GRIK4: variants seen among roughly 807,000 people sequenced by gnomAD.
GRIK4 encodes the protein glutamate receptor ionotropic, kainate 4.
In GRIK4, 40 loss-of-function variants were observed where a neutral mutation model predicts 104.9. The observed-to-expected ratio is 0.38, with a 90% CI of 0.30 to 0.50. The LOEUF (loss-of-function observed/expected upper bound fraction) is 0.50. Among genes scored for constraint, GRIK4 ranks in the 20% least tolerant of loss-of-function variants. GRIK4 has a pLI of 0.93. For missense variants in GRIK4, 1,047 were observed against 1,308.1 expected, an observed-to-expected ratio of 0.80 and a Z score of 3.08; for synonymous variants, 485 against 524.9, an observed-to-expected ratio of 0.92 and a Z score of 1.04.
intron 20 of GRIK4, among the ~76,000 whole-genome samples, chr11:120,984,020 T>C (rs1944696103): frequency 1.3e-5 from 2 of 152,194 alleles, no homozygotes; most frequent in Non-Finnish European, 2.9e-5. Context: ...GATGGGGGCC[T>C]ATAATCCAAG....
intron 1 of GRIK4, among the ~76,000 whole-genome samples, chr11:120,567,430 A>T (rs1347143954): frequency 6.6e-6 from 1 of 152,140 alleles, no homozygotes; most frequent in Non-Finnish European, 1.5e-5. Flanking sequence ...AAGTGCTGGG[A>T]TTACAGGTGT....
intron 1 of GRIK4, among the ~76,000 whole-genome samples, chr11:120,625,366 G>A (rs762882536): frequency 6.6e-5 from 10 of 152,128 alleles, no homozygotes; most frequent in South Asian, 2.1e-4. Context: ...ATGAGCACCC[G>A]GCCGGAAAGG....
intron 3 of GRIK4, among the ~76,000 whole-genome samples, chr11:120,800,872 T>G (rs1158356347): frequency 6.6e-6 from 1 of 152,232 alleles, no homozygotes; most frequent in African/African-American, 2.4e-5. Flanking sequence ...TCGGCTTGAT[T>G]CCCTGTGTTG....
At chr11:120,947,864 C>G (rs1943900325) in intron 14 of GRIK4, among the ~76,000 whole-genome samples, 1 of 152,132 alleles carries the variant, frequency 6.6e-6, no homozygotes, top group Non-Finnish European at 1.5e-5. Context: ...TCAGCAAGTC[C>G]AGGTCAATGC....
chr11:120,882,236 G>A lies in GRIK4; in HGVS notation c.1164+6993G>A, dbSNP rs944528014. Among the ~76,000 whole-genome samples, 3 of 152,216 alleles carry A rather than the reference G, an allele frequency of 2.0e-5. No homozygotes were observed. The South Asian group carries it at 6.2e-4, about 32-fold the overall frequency. ...GGCTATTAAGGCTCAGACAGGTTGA[G>A]GGGGGTGGGAGGGGGAAGGCAGCTC... On this transcript the variant is annotated intron_variant, in intron 11 of 20. Coordinates refer to ENST00000527524, the MANE Select transcript of GRIK4 (RefSeq NM_014619.5).
At chr11:120,834,305 T>C (rs895232522) in intron 7 of GRIK4, among the ~76,000 whole-genome samples, 15 of 149,374 alleles carry the variant, frequency 1.0e-4, no homozygotes, top group Non-Finnish European at 1.6e-4. Context: ...TGTGTGGCCA[T>C]GCTTTTGAAG....
chr11:120,699,898 A>G (rs1361508027), intron 3 of GRIK4, among the ~76,000 whole-genome samples: 3 of 152,184 alleles, frequency 2.0e-5, no homozygotes, highest in Non-Finnish European at 4.4e-5. Context: ...GCAGCAGGAG[A>G]TAGTCAGAGA....
At chr11:120,854,935 A>G (rs1383522563) in intron 8 of GRIK4, among the ~76,000 whole-genome samples, 1 of 152,204 alleles carries the variant, frequency 6.6e-6, no homozygotes, top group Non-Finnish European at 1.5e-5. Context: ...ACAGTGTATG[A>G]TTTAAAATGC....
chr11:120,705,099 G>T (rs547500289), intron 3 of GRIK4, among the ~76,000 whole-genome samples: 4 of 152,118 alleles, frequency 2.6e-5, no homozygotes, highest in Non-Finnish European at 5.9e-5. Flanking sequence ...CTGTAGCTTT[G>T]TAGTTAGTTT....
At chr11:120,811,803 A>C (rs1426339485) in intron 4 of GRIK4, among the ~76,000 whole-genome samples, 1 of 152,238 alleles carries the variant, frequency 6.6e-6, no homozygotes, top group Non-Finnish European at 1.5e-5. Context: ...CATACAGCCC[A>C]CATTTTATAT....
intron 1 of GRIK4, among the ~76,000 whole-genome samples, chr11:120,541,476 G>A (rs1948034856): frequency 1.3e-5 from 2 of 152,106 alleles, no homozygotes; most frequent in South Asian, 2.1e-4. Flanking sequence ...GGCCATAACA[G>A]GTAGGTGTCA....
chr11:120,612,202 G>T (rs978296132), intron 1 of GRIK4, among the ~76,000 whole-genome samples: 2 of 152,056 alleles, frequency 1.3e-5, no homozygotes, highest in Non-Finnish European at 2.9e-5. Flanking sequence ...GGGACAACTC[G>T]TCCGCCCGTG....
At chr11:120,708,355 C>A (rs1442950735) in intron 3 of GRIK4, among the ~76,000 whole-genome samples, 1 of 152,032 alleles carries the variant, frequency 6.6e-6, no homozygotes, top group Admixed American at 6.6e-5. Context: ...CTGTGAGAGA[C>A]CATTTGTGAG....
At chr11:120,838,603 A>G (rs897885410) in intron 8 of GRIK4, among the ~76,000 whole-genome samples, 1 of 152,212 alleles carries the variant, frequency 6.6e-6, no homozygotes. Context: ...CAGCAGAACC[A>G]TTGCAAAAAT....
At chr11:120,573,289 G>A (rs1948427141) in intron 1 of GRIK4, among the ~76,000 whole-genome samples, 1 of 152,170 alleles carries the variant, frequency 6.6e-6, no homozygotes, top group African/African-American at 2.4e-5. Flanking sequence ...AGTCATCTGT[G>A]TGGGCATTTC....
chr11:120,723,786 G>A (rs1373123690), intron 3 of GRIK4, among the ~76,000 whole-genome samples: 3 of 122,160 alleles, frequency 2.5e-5, no homozygotes, highest in Non-Finnish European at 5.7e-5. Flanking sequence ...GGTAAGGGTA[G>A]CACCTGTTTT....
At chr11:120,849,745 T>C (rs1319918392) in intron 8 of GRIK4, among the ~76,000 whole-genome samples, 1 of 152,226 alleles carries the variant, frequency 6.6e-6, no homozygotes, top group African/African-American at 2.4e-5. Flanking sequence ...CATCTTGTAC[T>C]TGTCAAACTG....
intron 1 of GRIK4, among the ~76,000 whole-genome samples, chr11:120,578,557 A>G (rs1948519174): frequency 6.6e-6 from 1 of 152,238 alleles, no homozygotes; most frequent in Non-Finnish European, 1.5e-5. Flanking sequence ...CAGTAAGTCC[A>G]TGTTCCACCT....
chr11:120,865,521 C>T lies in GRIK4; in HGVS notation c.906+3401C>T, dbSNP rs138037347. On this transcript the variant is annotated intron_variant, in intron 9 of 20. Transcript: ENST00000527524. ...GGGGCCAGTACCTCTCACTCTTCCC[C>T]TGGACCAGCAGGCCAGCCCAGCATA... Among the ~76,000 whole-genome samples the T allele has an allele frequency of 4.9e-3, 741 of 152,350 alleles. 4 individuals are homozygous for T. Among genetic ancestry groups the T allele is most frequent in the Non-Finnish European group, 7.3e-3 (494 of 68,038 alleles).
Sources: gnomAD v4.1 joint callset for allele counts (sites outside exome capture counted in the v4.1 genomes callset) on GRCh38, gnomAD v4.1.1 for gene constraint, MANE v1.5 for transcripts, NCBI Gene and HGNC (gene_info 2026-07-23, HGNC 2026-07-21) for gene names.